Variants in ZNF195 observed in about 807,000 individuals in gnomAD.
ZNF195 encodes hypoxia-regulated factor-1.
ZNF195 carries 11 observed loss-of-function variants against 19.5 expected under a neutral mutation model. That is an observed-to-expected ratio of 0.57 (90% confidence interval 0.36 to 0.94). The LOEUF is 0.94. ZNF195 is among the 40% of genes least tolerant of loss of function. ZNF195 has a pLI of 0.01. For missense variants in ZNF195, 582 were observed against 709.0 expected (o/e 0.82, Z 2.03); for synonymous variants, 214 against 248.1 (o/e 0.86, Z 1.29).
At chr11:3,361,958 C>T (rs1226207519) in intron 3 of ZNF195, 69 bp from the exon 4 acceptor site, 2 of 420,898 alleles carry the variant, frequency 4.8e-6, no homozygotes, top group Admixed American at 5.3e-5. Flanking sequence ...ACTCAGAAGG[C>T]TGGAGTGGGA....
Position 3,360,017 on chromosome 11 carries a change from C to T in ZNF195, c.991G>A (p.Glu331Lys), listed in dbSNP as rs1438205590. ...CACTGGTTAAATACTTTGCCAAATT[C>T]TTCACATCTGTAATGTTCCCCTCCG... ...YAGGEHYRCEEFGKVFNQCSH... is the reference protein window; with the variant it reads ...YAGGEHYRCEKFGKVFNQCSH... Residue 331 changes from glutamate to lysine, a missense_variant, in exon 6 of 6, where the codon GAA (glutamate) becomes AAA (lysine). By Grantham distance (56) the Glu-to-Lys change is moderately conservative. Around this residue, in one of 3 missense-constraint regions of ZNF195, gnomAD observed 407 missense variants for 530.5 expected, o/e 0.77. Coordinates refer to ENST00000399602, the MANE Select transcript of ZNF195 (RefSeq NM_001130520.3). The T allele has an allele frequency of 3.1e-6, 5 of 1,613,926 alleles. No individual in the cohort carries two copies. The highest frequency in any genetic ancestry group is 1.3e-5 in the African/African-American group (1 of 74,926).
chr11:3,368,202 G>C (rs887075465), intron 3 of ZNF195, among the ~76,000 whole-genome samples: 3 of 152,196 alleles, frequency 2.0e-5, no homozygotes, highest in African/African-American at 7.2e-5. Context: ...GAACAAAAGA[G>C]AAAGTGAAAA....
intron 1 of ZNF195, among the ~76,000 whole-genome samples, chr11:3,374,766 G>A (rs1373634891): frequency 6.6e-6 from 1 of 152,228 alleles, no homozygotes; most frequent in Admixed American, 6.5e-5. Context: ...TAGACCAATG[G>A]AAGGGATACA....
At chr11:3,365,080 G>A (rs909897588) in intron 3 of ZNF195, among the ~76,000 whole-genome samples, 24 of 152,144 alleles carry the variant, frequency 1.6e-4, no homozygotes, top group East Asian at 3.8e-4. Flanking sequence ...GGCAAAATGC[G>A]TACATTAACC....
intron 3 of ZNF195, chr11:3,366,918 AG>A (rs1308772051): frequency 2.2e-6 from 1 of 454,256 alleles, no homozygotes; most frequent in Non-Finnish European, 4.4e-6. Flanking sequence ...CACAAAAGTT[AG>A]CTGGGTGTGG....
In ZNF195 at chr11:3,360,371, T is replaced by C. The variant is rs1848571789; in HGVS notation, c.637A>G (p.Ser213Gly). Residue 213 changes from serine (S) to glycine (G), a missense_variant, in exon 6 of 6, where the codon AGC becomes GGC. Around this residue, in one of 3 missense-constraint regions of ZNF195, gnomAD observed 407 missense variants for 530.5 expected, o/e 0.77. Transcript: ENST00000399602. ...TATTTATTATATTGAAAGATTTTGCTATGGGTAGTTGATGAACATTGGTTA... is the reference window on the plus strand; with the variant it reads ...TATTTATTATATTGAAAGATTTTGCCATGGGTAGTTGATGAACATTGGTTA... The part of the protein sequence containing the change: ...GLNQCSSTTH[S>G]KIFQYNKYVK... 6.2e-7 allele frequency: 1 copy of C among 1,606,948 alleles called. No individual in the cohort carries two copies. Among genetic ancestry groups the C allele is most frequent in the South Asian group, 1.1e-5 (1 of 89,960 alleles).
intron 4 of ZNF195, 114 bp downstream of exon 4, chr11:3,361,629 G>C: frequency 5.9e-6 from 4 of 676,122 alleles, no homozygotes; most frequent in Non-Finnish European, 6.4e-6. Flanking sequence ...ACATCAACTA[G>C]TATAAACAAA....
chr11:3,370,781 GA>G (rs1343484136), intron 3 of ZNF195, among the ~76,000 whole-genome samples, 193 bp downstream of exon 3: 2 of 152,240 alleles, frequency 1.3e-5, no homozygotes, highest in Non-Finnish European at 2.9e-5. Flanking sequence ...CACTAAACAG[GA>G]AGCAGAGTCT....
In ZNF195 at chr11:3,360,336, G is replaced by T; in HGVS notation, c.672C>A (p.Ile224=). 6.2e-7 allele frequency: 1 copy of T among 1,600,832 alleles called. No individual in the cohort carries two copies. The highest frequency in any genetic ancestry group is 8.5e-7 in the Non-Finnish European group (1 of 1,171,862). ...KIFQYNKYVK[I]FDNFSNLHRR... is the part of the protein sequence containing the mutation. ...TATGTAAATTTGAAAAGTTATCAAA[G>T]ATTTTAACATATTTATTATATTGAA... The change falls in exon 6 of 6, where the codon ATC becomes ATA. Residue 224 remains isoleucine, a synonymous_variant. Transcript: ENST00000399602.
At position 3,358,779 on chromosome 11, in the gene ZNF195, C is replaced by T; in HGVS notation, c.*339G>A. ...CTGAACGTGTCCTTGCTTATTTTTC[C>T]CATTTAGTGTATTTGCAAAATATCT... On this transcript the variant is annotated 3_prime_UTR_variant, in exon 6 of 6. Transcript: ENST00000399602. 6.8e-5 allele frequency: 1 copy of T among 14,714 alleles called. No homozygotes were observed. Among genetic ancestry groups the T allele is most frequent in the Admixed American group, 8.6e-4 (1 of 1,166 alleles). 0.9% of individuals were successfully genotyped at this position (14,714 alleles called of 1,614,324 possible). A position where few individuals can be genotyped will look rare whatever the true frequency, so the allele number is the denominator to read the frequency against.
intron 3 of ZNF195, among the ~76,000 whole-genome samples, chr11:3,370,274 A>G (rs1263958447): frequency 6.6e-6 from 1 of 152,218 alleles, no homozygotes; most frequent in East Asian, 1.9e-4. Flanking sequence ...CAGAGTCCTG[A>G]TAAGCCTCAT....
At chr11:3,371,250 C>T (rs1849194176) in intron 2 of ZNF195, 180 bp from the exon 3 acceptor site, 1 of 679,770 alleles carries the variant, frequency 1.5e-6, no homozygotes, top group Non-Finnish European at 2.4e-6. Flanking sequence ...TTCTTAGTTT[C>T]ACCACTCAGT....
At chr11:3,378,082 G>A (rs1849552215) in intron 1 of ZNF195, among the ~76,000 whole-genome samples, 1 of 152,290 alleles carries the variant, frequency 6.6e-6, no homozygotes, top group South Asian at 2.1e-4. Flanking sequence ...GGCCAAGGCA[G>A]GCGGATCACA....
At chr11:3,371,736 T>C (rs781024847) in intron 1 of ZNF195, 33 bp from the exon 2 acceptor site, 7 of 1,566,866 alleles carry the variant, frequency 4.5e-6, no homozygotes, top group Non-Finnish European at 6.1e-6. Context: ...AACAAATACT[T>C]GATTCGAGGT....
chr11:3,360,683 C>T, intron 5 of ZNF195, 37 bp downstream of exon 5: 3 of 1,546,578 alleles, frequency 1.9e-6, no homozygotes, highest in Non-Finnish European at 2.6e-6. Flanking sequence ...ATACCACAGG[C>T]CCTAATTTCT....
At position 3,360,403 on chromosome 11, in the gene ZNF195, T is replaced by C; in HGVS notation, c.605A>G (p.Asn202Ser). The C allele has an allele frequency of 1.2e-6, 2 of 1,612,582 alleles. No individual in the cohort carries two copies. The highest frequency in any genetic ancestry group is 1.7e-6 in the Non-Finnish European group (2 of 1,179,648). Reference sequence around the variant, plus strand: ...AGTTGATGAACATTGGTTAAGTCCATTATAATCTTTTTGCAACTTACACTC... The same window carrying C: ...AGTTGATGAACATTGGTTAAGTCCACTATAATCTTTTTGCAACTTACACTC... ...LDECKLQKDY[N>S]GLNQCSSTTH... is the part of the protein sequence containing the mutation. Residue 202 changes from asparagine (N) to serine (S), a missense_variant, in exon 6 of 6, where the codon AAT becomes AGT. Asn to Ser is a conservative substitution (Grantham distance 46). Coordinates refer to ENST00000399602, the MANE Select transcript of ZNF195 (RefSeq NM_001130520.3).
At chr11:3,373,505 G>A (rs1015680982) in intron 1 of ZNF195, 1 of 1,243,628 alleles carries the variant, frequency 8.0e-7, no homozygotes, top group Non-Finnish European at 1.2e-6. Flanking sequence ...AGAAGTAAAG[G>A]TTTCCAAATT....
intron 1 of ZNF195, among the ~76,000 whole-genome samples, chr11:3,377,366 A>G (rs984422756): frequency 6.6e-6 from 1 of 152,168 alleles, no homozygotes; most frequent in African/African-American, 2.4e-5. Flanking sequence ...CCCCGATGAT[A>G]CACTGCACTG....
At chr11:3,378,352 G>C (rs942769745) in intron 1 of ZNF195, among the ~76,000 whole-genome samples, 1 of 138,160 alleles carries the variant, frequency 7.2e-6, no homozygotes, top group East Asian at 2.2e-4. Context: ...GACTGAGGTG[G>C]CTCTAGTGCC....
Sources: gnomAD v4.1 joint callset for allele counts (sites outside exome capture counted in the v4.1 genomes callset) on GRCh38, gnomAD v4.1.1 for gene constraint, gnomAD v4.1.1 regional missense constraint, MANE v1.5 for transcripts, NCBI Gene and HGNC (gene_info 2026-07-23, HGNC 2026-07-21) for gene names.